The following LRRC37A variants were observed in gnomAD, a reference collection of about 807,000 sequenced individuals.
LRRC37A encodes leucine rich repeat containing 37A.
A neutral mutation model predicts 35.4 loss-of-function variants in LRRC37A; 3 were observed. That is an observed-to-expected ratio of 0.08 (90% CI 0.04 to 0.22). The LOEUF (loss-of-function observed/expected upper bound fraction) is 0.22. Among genes scored for constraint, LRRC37A ranks in the 10% least tolerant of loss-of-function variants. The pLI is 1.00. For synonymous variants in LRRC37A, 23 were observed against 215.0 expected, an observed-to-expected ratio of 0.11 and a Z score of 7.81; for missense variants, 67 against 565.3, an observed-to-expected ratio of 0.12 and a Z score of 8.94.
chr17:46,281,888 C>T, the LRRC37A span, among the ~76,000 whole-genome samples: 1 of 152,222 alleles, frequency 6.6e-6, no homozygotes, highest in Non-Finnish European at 1.5e-5. Flanking sequence ...AGGTGATCCA[C>T]CCGCCTCGGC....
Position 46,317,162 on chromosome 17 carries a change from C to T in LRRC37A, c.2907-5160C>T, listed in dbSNP as rs550053872. Among the ~76,000 whole-genome samples the T allele has an allele frequency of 2.4e-4, 20 of 83,442 alleles. 1 individual carries two copies. The highest frequency in any genetic ancestry group is 6.2e-4 in the Admixed American group (5 of 8,076). The allele number at this position is 83,442 out of a possible 152,430, so 54.7% of individuals were successfully genotyped here. ...AGATGGGGTGGCGGCCGGGCAGAGG[C>T]GCTCCTCACATCCCAGACGGGCATG... On this transcript the variant is annotated intron_variant, in intron 5 of 13. Coordinates refer to ENST00000320254, the Ensembl canonical transcript of LRRC37A.
the LRRC37A span, among the ~76,000 whole-genome samples, chr17:46,265,351 T>TCTC: frequency 1.4e-5 from 2 of 145,494 alleles, no homozygotes; most frequent in African/African-American, 2.5e-5. Flanking sequence ...TTCTTCTTCT[T>TCTC]CTCCTCCTTC....
chr17:46,276,586 G>C, the LRRC37A span, among the ~76,000 whole-genome samples: 2 of 152,166 alleles, frequency 1.3e-5, no homozygotes, highest in Non-Finnish European at 2.9e-5. Flanking sequence ...TGAAAACAAT[G>C]TGCAAACAAT....
chr17:46,286,663 T>G, the LRRC37A span, among the ~76,000 whole-genome samples: 2 of 151,932 alleles, frequency 1.3e-5, no homozygotes, highest in African/African-American at 4.8e-5. Flanking sequence ...GAAAAAAAAA[T>G]GAAAAGGAAT....
chr17:46,255,941 C>G, the LRRC37A span, among the ~76,000 whole-genome samples: 1 of 152,092 alleles, frequency 6.6e-6, no homozygotes, highest in Non-Finnish European at 1.5e-5. Context: ...TCCCAAAGTG[C>G]TGGGATTACA....
chr17:46,264,053 T>C, the LRRC37A span, among the ~76,000 whole-genome samples: 1 of 151,430 alleles, frequency 6.6e-6, no homozygotes, highest in African/African-American at 2.4e-5. Context: ...ACCGACAAAA[T>C]AATAATACAA....
the LRRC37A span, chr17:46,267,518 G>C: frequency 1.2e-6 from 2 of 1,612,694 alleles, no homozygotes; most frequent in East Asian, 4.5e-5. Flanking sequence ...GTTTAAACCT[G>C]GTATTGAAAC....
At chr17:46,264,176 C>T in the LRRC37A span, among the ~76,000 whole-genome samples, 1 of 144,138 alleles carries the variant, frequency 6.9e-6, no homozygotes, top group Non-Finnish European at 1.5e-5. Flanking sequence ...AGAGACCAGG[C>T]TGGTCTTGAA....
the LRRC37A span, among the ~76,000 whole-genome samples, chr17:46,269,622 T>C: frequency 6.6e-6 from 1 of 152,258 alleles, no homozygotes; most frequent in Non-Finnish European, 1.5e-5. Flanking sequence ...GGCAAAAGTG[T>C]TCCTGATGTA....
At position 46,333,284 on chromosome 17, in the gene LRRC37A, C is replaced by A. The variant is rs1220485458; in HGVS notation, c.4809+628C>A. 1.0e-4 allele frequency among the ~76,000 whole-genome samples: 6 copies of A among 58,266 alleles called. 3 individuals are homozygous for A. The allele number at this position is 58,266 out of a possible 152,430, so 38.2% of individuals were successfully genotyped here. A position where few individuals can be genotyped will look rare whatever the true frequency, so the allele number is the denominator to read the frequency against. Reference sequence around the variant, plus strand: ...AGCCTATACCCTCTGTGAGATGTGTCACCATTTCTTGGACACCATGTGAGA... The same window carrying A: ...AGCCTATACCCTCTGTGAGATGTGTAACCATTTCTTGGACACCATGTGAGA... On this transcript the variant is annotated intron_variant, in intron 10 of 13. Transcript: ENST00000320254.
the LRRC37A span, among the ~76,000 whole-genome samples, chr17:46,276,435 G>A: frequency 3.3e-5 from 5 of 152,272 alleles, no homozygotes; most frequent in East Asian, 3.9e-4. Flanking sequence ...TTTGGATTAC[G>A]TAATCACAAG....
chr17:46,332,869 T>G (rs1302113429), intron 10 of LRRC37A, among the ~76,000 whole-genome samples: 1 of 150,364 alleles, frequency 6.7e-6, no homozygotes, highest in South Asian at 2.1e-4. Flanking sequence ...CTCTGTGAAT[T>G]GAAACCAAGT....
the LRRC37A span, among the ~76,000 whole-genome samples, chr17:46,263,760 A>G: frequency 6.6e-6 from 1 of 151,232 alleles, no homozygotes; most frequent in African/African-American, 2.4e-5. Flanking sequence ...AGGCTGAGGC[A>G]GGAGAATCGC....
At chr17:46,282,464 G>C in the LRRC37A span, among the ~76,000 whole-genome samples, 1 of 151,472 alleles carries the variant, frequency 6.6e-6, no homozygotes, top group East Asian at 1.9e-4. Context: ...ACCCAGGCTG[G>C]GGTGGAGTGG....
chr17:46,250,092 T>C, the LRRC37A span, among the ~76,000 whole-genome samples: 2 of 152,076 alleles, frequency 1.3e-5, no homozygotes, highest in African/African-American at 2.4e-5. Flanking sequence ...CCACCATGCC[T>C]GGCCAGTTTT....
At chr17:46,263,235 C>T in the LRRC37A span, among the ~76,000 whole-genome samples, 3 of 151,990 alleles carry the variant, frequency 2.0e-5, no homozygotes, top group Admixed American at 1.3e-4. Flanking sequence ...AACAAACAAA[C>T]AAATAAATAA....
At chr17:46,265,282 CTT>C in the LRRC37A span, among the ~76,000 whole-genome samples, 3 of 107,216 alleles carry the variant, frequency 2.8e-5, no homozygotes, top group Admixed American at 1.1e-4. Flanking sequence ...TCTTCTTCTT[CTT>C]CTTCTTCTTC....
the LRRC37A span, among the ~76,000 whole-genome samples, chr17:46,267,849 G>A: frequency 6.6e-6 from 1 of 151,974 alleles, no homozygotes; most frequent in South Asian, 2.1e-4. Context: ...CTTTTTTGGG[G>A]GAGTGTGTGG....
At chr17:46,280,497 A>G in the LRRC37A span, among the ~76,000 whole-genome samples, 4 of 152,308 alleles carry the variant, frequency 2.6e-5, no homozygotes, top group African/African-American at 9.6e-5. Context: ...TCATATAGCA[A>G]GACCCTGTCC....
Sources: allele counts gnomAD v4.1 joint callset (sites outside exome capture counted in the v4.1 genomes callset), GRCh38; gene constraint gnomAD v4.1.1; transcripts MANE v1.5; gene names NCBI Gene and HGNC (gene_info 2026-07-23, HGNC 2026-07-21).